The following GSE1 variants were observed in gnomAD, a reference collection of about 807,000 sequenced individuals.
GSE1 encodes Gse1 coiled-coil protein.
A neutral mutation model predicts 112.6 loss-of-function variants in GSE1; 32 were observed. That is an observed-to-expected ratio of 0.28 (90% CI 0.21 to 0.38). The LOEUF (loss-of-function observed/expected upper bound fraction) is 0.38, where lower values mean the gene tolerates loss of function less well. GSE1 is among the 10% of genes least tolerant of loss of function. The probability of loss-of-function intolerance (pLI) is 1.00; values close to 1 mark genes in which losing one functional copy is unlikely to be tolerated. For synonymous variants in GSE1, 1,115 were observed against 735.6 expected, an observed-to-expected ratio of 1.52 and a Z score of -8.35; for missense variants, 2,348 against 1,699.2, an observed-to-expected ratio of 1.38 and a Z score of -6.71.
At chr16:85,187,027 C>T (rs1263129766) in intron 1 of GSE1, among the ~76,000 whole-genome samples, 1 of 152,212 alleles carries the variant, frequency 6.6e-6, no homozygotes, top group Non-Finnish European at 1.5e-5. Context: ...ATGTGCTGGG[C>T]CAGCACTGGG....
At chr16:85,602,144 A>G (rs1301654949) in intron 1 of GSE1, among the ~76,000 whole-genome samples, 1 of 152,220 alleles carries the variant, frequency 6.6e-6, no homozygotes. Context: ...GGCCGGGCAC[A>G]GTAGGCACTT....
At chr16:85,302,539 C>T (rs896301822) in intron 1 of GSE1, among the ~76,000 whole-genome samples, 9 of 152,122 alleles carry the variant, frequency 5.9e-5, no homozygotes, top group South Asian at 2.1e-4. Context: ...GGACAGCAGG[C>T]GTGAGAGGTT....
chr16:85,464,512 C>A (rs1055487934), intron 2 of GSE1, among the ~76,000 whole-genome samples: 1 of 152,232 alleles, frequency 6.6e-6, no homozygotes, highest in Non-Finnish European at 1.5e-5. Context: ...CTCGGCAGCC[C>A]CCAGACGGCC....
intron 1 of GSE1, among the ~76,000 whole-genome samples, chr16:85,173,351 G>A (rs2074396592): frequency 1.3e-5 from 2 of 152,168 alleles, no homozygotes; most frequent in African/African-American, 4.8e-5. Flanking sequence ...TTCTTATCCT[G>A]GTGGAATGTC....
At chr16:85,354,004 G>A (rs527976855) in intron 1 of GSE1, among the ~76,000 whole-genome samples, 1 of 152,290 alleles carries the variant, frequency 6.6e-6, no homozygotes, top group East Asian at 1.9e-4. Context: ...TTGTGCAGGT[G>A]CCTCCCACAC....
At chr16:85,633,587 G>A (rs1370589705) in intron 1 of GSE1, among the ~76,000 whole-genome samples, 2 of 152,190 alleles carry the variant, frequency 1.3e-5, no homozygotes, top group African/African-American at 4.8e-5. Context: ...ATGGTCAGGG[G>A]CCTGTTGGGT....
At chr16:85,232,586 G>A (rs890649465) in intron 1 of GSE1, among the ~76,000 whole-genome samples, 4 of 152,224 alleles carry the variant, frequency 2.6e-5, no homozygotes, top group African/African-American at 9.6e-5. Context: ...CCCAAGGGAG[G>A]CCCAGCAGAC....
At chr16:85,450,141 G>GTTTT (rs2049633950) in intron 2 of GSE1, among the ~76,000 whole-genome samples, 1 of 2,604 alleles carries the variant, frequency 3.8e-4, no homozygotes, top group Admixed American at 5.2e-3. Context: ...TTTTTTTTGA[G>GTTTT]ACGGAATTTC....
intron 1 of GSE1, among the ~76,000 whole-genome samples, chr16:85,198,593 G>A (rs2074972039): frequency 6.6e-6 from 1 of 152,104 alleles, no homozygotes; most frequent in Admixed American, 6.5e-5. Context: ...TCTGGGGCTG[G>A]GGAGGGCTGC....
At chr16:85,394,566 G>A (rs970678265) in intron 2 of GSE1, among the ~76,000 whole-genome samples, 1 of 152,116 alleles carries the variant, frequency 6.6e-6, no homozygotes, top group African/African-American at 2.4e-5. Flanking sequence ...TTTAGTCCTG[G>A]ATGGGCGGCA....
chr16:85,394,155 C>T (rs2047913974), intron 2 of GSE1, among the ~76,000 whole-genome samples: 1 of 151,220 alleles, frequency 6.6e-6, no homozygotes. Flanking sequence ...GCCGTGACTG[C>T]TGACGAAAAA....
At chr16:85,390,037 C>T (rs866143387) in intron 2 of GSE1, among the ~76,000 whole-genome samples, 3 of 152,194 alleles carry the variant, frequency 2.0e-5, no homozygotes, top group Admixed American at 6.5e-5. Flanking sequence ...GACCTCGGGG[C>T]CTAGGCTGGG....
chr16:85,357,662 T>G (rs944313486), intron 2 of GSE1: 1 of 1,284,366 alleles, frequency 7.8e-7, no homozygotes, highest in Non-Finnish European at 1.0e-6. Context: ...CAGCTCTTTT[T>G]GTATCTCTGG....
intron 1 of GSE1, among the ~76,000 whole-genome samples, chr16:85,197,024 C>T (rs1241147344): frequency 1.3e-5 from 2 of 152,166 alleles, no homozygotes; most frequent in Non-Finnish European, 2.9e-5. Context: ...CTCAGGCCAG[C>T]CGCTTAACTT....
chr16:85,174,450 A>G (rs1377719589), intron 1 of GSE1, among the ~76,000 whole-genome samples: 1 of 152,228 alleles, frequency 6.6e-6, no homozygotes, highest in Non-Finnish European at 1.5e-5. Context: ...GAGAAGCCTC[A>G]GCTCTCAGCT....
chr16:85,618,913 C>T (rs965957977), intron 1 of GSE1, among the ~76,000 whole-genome samples: 2 of 152,248 alleles, frequency 1.3e-5, no homozygotes, highest in Non-Finnish European at 2.9e-5. Flanking sequence ...ATCCTTCCGT[C>T]TCAGCCTCCC....
intron 1 of GSE1, among the ~76,000 whole-genome samples, chr16:85,236,542 G>A (rs766278189): frequency 2.0e-5 from 3 of 152,208 alleles, no homozygotes; most frequent in Non-Finnish European, 2.9e-5. Flanking sequence ...GGTACCTTCC[G>A]TGTGTCTCAT....
intron 1 of GSE1, among the ~76,000 whole-genome samples, chr16:85,330,292 C>T (rs1027184008): frequency 2.0e-5 from 3 of 152,164 alleles, no homozygotes; most frequent in African/African-American, 7.2e-5. Flanking sequence ...AAGTGGGCTG[C>T]GTGGTGACAG....
intron 1 of GSE1, among the ~76,000 whole-genome samples, chr16:85,209,067 G>C (rs553469631): frequency 6.6e-6 from 1 of 151,454 alleles, no homozygotes; most frequent in East Asian, 2.0e-4. Flanking sequence ...GTTCACCTGT[G>C]TTGGGGTTCG....
Sources: allele counts gnomAD v4.1 joint callset (sites outside exome capture counted in the v4.1 genomes callset), GRCh38; gene constraint gnomAD v4.1.1; transcripts MANE v1.5; gene names NCBI Gene and HGNC (gene_info 2026-07-23, HGNC 2026-07-21).